Variants in ZHX3 observed in about 807,000 individuals in gnomAD.
The protein encoded by ZHX3 is zinc fingers and homeoboxes protein 3.
In ZHX3, 20 loss-of-function variants were observed where a neutral mutation model predicts 64.5. The ratio of observed to expected loss-of-function variants is 0.31; its 90% CI spans 0.22 to 0.45. The LOEUF is 0.45. Ranked by LOEUF, ZHX3 falls within the 20% of genes least tolerant of loss-of-function variation. The pLI is 1.00. For missense variants in ZHX3, 1,041 were observed against 1,195.8 expected, an observed-to-expected ratio of 0.87 and a Z score of 1.91; for synonymous variants, 423 against 461.6, an observed-to-expected ratio of 0.92 and a Z score of 1.07.
chr20:41,190,689 G>A (rs1282138591), intron 3 of ZHX3, among the ~76,000 whole-genome samples: 1 of 152,124 alleles, frequency 6.6e-6, no homozygotes, highest in Non-Finnish European at 1.5e-5. Context: ...TCACTTCCAT[G>A]TTTAGGACTC....
intron 2 of ZHX3, among the ~76,000 whole-genome samples, chr20:41,206,498 A>C (rs1474502391): frequency 2.6e-5 from 4 of 152,238 alleles, no homozygotes; most frequent in African/African-American, 9.6e-5. Context: ...TGAGAACTAC[A>C]TGACGCATGC....
At chr20:41,244,898 A>G (rs2041599609) in intron 2 of ZHX3, among the ~76,000 whole-genome samples, 1 of 152,200 alleles carries the variant, frequency 6.6e-6, no homozygotes. Context: ...GTTTTGGCCC[A>G]GGAAAAGCAA....
rs148868193 is a variant in ZHX3, at chr20:41,237,119, G to A, written c.-151+31871C>T. Reference sequence around the variant, plus strand: ...ATTAAAAAGTCAGGAAACAACAGGTGCTAGAGAGGATCTGGAAAAATAGGA... The same window carrying A: ...ATTAAAAAGTCAGGAAACAACAGGTACTAGAGAGGATCTGGAAAAATAGGA... On this transcript the variant is annotated intron_variant, in intron 2 of 3. Coordinates refer to ENST00000683867, the MANE Select transcript of ZHX3 (RefSeq NM_001384317.1). Among the ~76,000 whole-genome samples the A allele has an allele frequency of 4.6e-5, 7 of 152,312 alleles. No homozygotes were observed. The East Asian group carries it at 1.4e-3, about 29-fold the overall frequency.
In ZHX3 at chr20:41,178,545, C is replaced by T. The variant is rs2036130416; in HGVS notation, c.*6646G>A. 6.6e-6 allele frequency: 1 copy of T among 152,596 alleles called. No homozygotes were observed. The highest frequency in any genetic ancestry group is 1.5e-5 in the Non-Finnish European group (1 of 68,024). 9.5% of individuals were successfully genotyped at this position (152,596 alleles called of 1,614,324 possible). On this transcript the variant is annotated 3_prime_UTR_variant, in exon 4 of 4. Coordinates refer to ENST00000683867, the MANE Select transcript of ZHX3 (RefSeq NM_001384317.1). The stretch of plus-strand genomic sequence containing the variant: ...TGTACAAGCAATTTGTCCGTGTTCC[C>T]CTCCCTTATCCAAATCCACAGATAC...
In ZHX3 at chr20:41,291,212, C is replaced by T. The variant is rs568767078; in HGVS notation, c.-244-22129G>A. ...CCCCATGCAGTGTTCTTTCCACAACCGAAAGAGAAGCTGCATAAATTCAAG... is the reference window on the plus strand; with the variant it reads ...CCCCATGCAGTGTTCTTTCCACAACTGAAAGAGAAGCTGCATAAATTCAAG... On this transcript the variant is annotated intron_variant, in intron 1 of 3. Transcript: ENST00000683867. 3.3e-5 allele frequency among the ~76,000 whole-genome samples: 5 copies of T among 152,136 alleles called. No homozygotes were observed. The East Asian group carries it at 9.7e-4, about 29-fold the overall frequency.
chr20:41,248,600 T>C (rs1028561523), intron 2 of ZHX3, among the ~76,000 whole-genome samples: 2 of 152,202 alleles, frequency 1.3e-5, no homozygotes, highest in African/African-American at 4.8e-5. Context: ...AATTTTTTTA[T>C]GTGGTTACAG....
chr20:41,185,007 T>C lies in ZHX3; in HGVS notation c.*184A>G. On this transcript the variant is annotated 3_prime_UTR_variant, in exon 4 of 4. Coordinates refer to ENST00000683867, the MANE Select transcript of ZHX3 (RefSeq NM_001384317.1). This position sits in a 1 kb window ranked among gnomAD's most constrained non-coding sequence, Gnocchi z 5.0. ...AACCCCATCTTGCTTGCTGCTTGCT[T>C]GGTGGTGGGCAGGCCGAGGGTAGCG... 2 of 1,551,222 alleles carry C rather than the reference T, an allele frequency of 1.3e-6. No individual in the cohort carries two copies. The highest frequency in any genetic ancestry group is 1.7e-6 in the Non-Finnish European group (2 of 1,147,010).
rs1264020455 is a variant in ZHX3, at chr20:41,201,263, T to C, written c.2860+794A>G. 7.8e-7 allele frequency: 1 copy of C among 1,286,966 alleles called. No homozygotes were observed. The highest frequency in any genetic ancestry group is 1.0e-6 in the Non-Finnish European group (1 of 982,130). The allele number at this position is 1,286,966 out of a possible 1,614,324, so 79.7% of individuals were successfully genotyped here. ...CCCCCAATCCCTTCAGCTTCTACAA[T>C]ACTCCGCCCTCCTGGCTCTCACCTG... On this transcript the variant is annotated intron_variant, in intron 3 of 3. Transcript: ENST00000683867. The surrounding 1 kb of genome is among the most constrained non-coding windows in gnomAD (Gnocchi z 5.0).
chr20:41,190,988 C>G (rs1389784746), intron 3 of ZHX3, among the ~76,000 whole-genome samples: 1 of 152,182 alleles, frequency 6.6e-6, no homozygotes, highest in Non-Finnish European at 1.5e-5. Context: ...GAGAGTCTGA[C>G]TATAATGTGC....
At chr20:41,306,174 C>A (rs1005878931) in intron 1 of ZHX3, among the ~76,000 whole-genome samples, 1 of 152,086 alleles carries the variant, frequency 6.6e-6, no homozygotes, top group Non-Finnish European at 1.5e-5. Flanking sequence ...TCAGTTCAAG[C>A]ATTGTATTTG....
intron 1 of ZHX3, among the ~76,000 whole-genome samples, chr20:41,299,031 T>C (rs985040130): frequency 5.9e-5 from 9 of 152,188 alleles, no homozygotes; most frequent in African/African-American, 2.2e-4. Context: ...GGTCACTTCC[T>C]ACCTGAAAGT....
intron 2 of ZHX3, among the ~76,000 whole-genome samples, chr20:41,251,506 A>G (rs1215762445): frequency 6.6e-6 from 1 of 152,226 alleles, no homozygotes; most frequent in East Asian, 1.9e-4. Context: ...CAAGTAACCC[A>G]GAGAAAGACA....
chr20:41,288,284 T>C (rs2044040184), intron 1 of ZHX3, among the ~76,000 whole-genome samples: 2 of 152,214 alleles, frequency 1.3e-5, no homozygotes, highest in Admixed American at 6.5e-5. Context: ...CATCCCAAAG[T>C]GGTGGAATTA....
rs569979301 is a variant in ZHX3, at chr20:41,259,934, T to C, written c.-151+9056A>G. Among the ~76,000 whole-genome samples the C allele has an allele frequency of 7.2e-5, 11 of 152,292 alleles. No individual in the cohort carries two copies. In the South Asian group the frequency reaches 2.3e-3, roughly 32 times the overall value. ...GAATGAATATAGATTTTAAAATGTTTAATGACTGGCAGAAATAATTTAATG... is the reference window on the plus strand; with the variant it reads ...GAATGAATATAGATTTTAAAATGTTCAATGACTGGCAGAAATAATTTAATG... On this transcript the variant is annotated intron_variant, in intron 2 of 3. Transcript: ENST00000683867.
At chr20:41,313,795 A>G (rs2045212691) in intron 1 of ZHX3, among the ~76,000 whole-genome samples, 1 of 152,082 alleles carries the variant, frequency 6.6e-6, no homozygotes, top group Admixed American at 6.5e-5. Flanking sequence ...ACGGGGTTTC[A>G]CCGTGTTAGC....
At chr20:41,284,946 G>A (rs2043863109) in intron 1 of ZHX3, among the ~76,000 whole-genome samples, 1 of 151,916 alleles carries the variant, frequency 6.6e-6, no homozygotes, top group Non-Finnish European at 1.5e-5. Context: ...TTACTATCTG[G>A]TACACCTTTC....
intron 3 of ZHX3, among the ~76,000 whole-genome samples, chr20:41,199,173 G>A (rs1476363734): frequency 2.0e-5 from 3 of 152,008 alleles, no homozygotes; most frequent in Non-Finnish European, 2.9e-5. Flanking sequence ...CCTTTAGCTC[G>A]CTGAACATAC....
At chr20:41,264,384 AC>A (rs1446356004) in intron 2 of ZHX3, among the ~76,000 whole-genome samples, 8 of 110,698 alleles carry the variant, frequency 7.2e-5, no homozygotes, top group African/African-American at 1.2e-4. Context: ...TACCAAAAAT[AC>A]AAAAAAAAAA....
At position 41,219,224 on chromosome 20, in the gene ZHX3, T is replaced by C. The variant is rs2039775513; in HGVS notation, c.-150-14158A>G. Among the ~76,000 whole-genome samples the C allele has an allele frequency of 6.6e-6, 1 of 152,132 alleles. No homozygotes were observed. On this transcript the variant is annotated intron_variant, in intron 2 of 3. Transcript: ENST00000683867. This position sits in a 1 kb window ranked among gnomAD's most constrained non-coding sequence, Gnocchi z 5.0. ...GATTACAAGCGTCAGCCACCGCACCTGGCCTTCCCCCTCAACTCTTATTTT... is the reference window on the plus strand; with the variant it reads ...GATTACAAGCGTCAGCCACCGCACCCGGCCTTCCCCCTCAACTCTTATTTT...
Sources: allele counts gnomAD v4.1 joint callset (sites outside exome capture counted in the v4.1 genomes callset), GRCh38; gene constraint gnomAD v4.1.1; non-coding constraint Gnocchi (gnomAD v3.1); transcripts MANE v1.5; gene names NCBI Gene and HGNC (gene_info 2026-07-23, HGNC 2026-07-21).